Variants in ZNF30 observed in about 807,000 individuals in gnomAD.
ZNF30 encodes zinc finger protein 30 (KOX 28).
Under a neutral mutation model 13.2 loss-of-function variants are expected in ZNF30, and 15 were observed. The ratio of observed to expected loss-of-function variants is 1.13; its 90% CI spans 0.76 to 1.75. The LOEUF is 1.75. ZNF30 is among the 40% of genes most tolerant of loss of function. The pLI is 0.00. For synonymous variants in ZNF30, 223 were observed against 256.6 expected, an observed-to-expected ratio of 0.87 and a Z score of 1.25; for missense variants, 726 against 757.0, an observed-to-expected ratio of 0.96 and a Z score of 0.48.
At chr19:34,933,588 C>A in intron 3 of ZNF30, 40 bp from the exon 4 acceptor site, 1 of 1,447,562 alleles carries the variant, frequency 6.9e-7, no homozygotes, top group South Asian at 1.2e-5. Context: ...TTTTTGAACT[C>A]ATATTTTATT....
chr19:34,937,664 T>G (rs1465240082), intron 4 of ZNF30, among the ~76,000 whole-genome samples: 2 of 151,372 alleles, frequency 1.3e-5, no homozygotes, highest in African/African-American at 4.9e-5. Context: ...AACCTAGGAG[T>G]TCGAGGCTGC....
chr19:34,924,306 A>G (rs1428470122), upstream of ZNF30, among the ~76,000 whole-genome samples: 1 of 152,162 alleles, frequency 6.6e-6, no homozygotes, highest in Admixed American at 6.5e-5. Context: ...TGATTTAAAA[A>G]TTTCTTTGAC....
intron 3 of ZNF30, among the ~76,000 whole-genome samples, chr19:34,933,099 A>C (rs2012543414): frequency 6.6e-6 from 1 of 152,068 alleles, no homozygotes; most frequent in Non-Finnish European, 1.5e-5. Flanking sequence ...GACACAAAGA[A>C]TAAATGAGTA....
At chr19:34,927,815 G>T (rs556605063) in intron 1 of ZNF30, among the ~76,000 whole-genome samples, 2 of 152,262 alleles carry the variant, frequency 1.3e-5, no homozygotes, top group East Asian at 1.9e-4. Flanking sequence ...TTTTCTGTTG[G>T]TTTTTTATTT....
At position 34,944,339 on chromosome 19, in the gene ZNF30, G is replaced by A; in HGVS notation, c.1373G>A (p.Cys458Tyr). The A allele has an allele frequency of 3.7e-6, 6 of 1,614,194 alleles. No individual in the cohort carries two copies. Among genetic ancestry groups the A allele is most frequent in the Non-Finnish European group, 5.1e-6 (6 of 1,180,028 alleles). ...RVHTGEKPYE[C>Y]KECGKAFRVH... ...CATACTGGAGAGAAACCCTATGAGTGTAAGGAATGTGGCAAGGCCTTCAGA... is the reference window on the plus strand; with the variant it reads ...CATACTGGAGAGAAACCCTATGAGTATAAGGAATGTGGCAAGGCCTTCAGA... The change falls in exon 5 of 5, where the codon TGT (cysteine) becomes TAT (tyrosine). Residue 458 changes from cysteine (C) to tyrosine (Y), a missense_variant. Physicochemically the swap from Cys to Tyr is radical, Grantham distance 194. Coordinates refer to ENST00000601142, the MANE Select transcript of ZNF30 (RefSeq NM_194325.3).
At position 34,931,988 on chromosome 19, in the gene ZNF30, C is replaced by G; in HGVS notation, c.155C>G (p.Ser52Ter). Residue 52 changes from serine to a stop codon, truncating the protein, a stop_gained, in exon 3 of 5, where the codon TCA (serine) becomes TGA (stop). Coordinates refer to ENST00000601142, the MANE Select transcript of ZNF30 (RefSeq NM_194325.3). LOFTEE classifies it high-confidence loss of function. The stretch of plus-strand genomic sequence containing the variant: ...TTGGAGAACTACAGGAACTTGGTGT[C>G]AATGGGTAAGTGTACTTCTCTCAAA... Reference protein sequence around the residue: ...VMLENYRNLVSMGHSRSKPHV... With the variant: ...VMLENYRNLV The G allele has an allele frequency of 6.3e-7, 1 of 1,595,124 alleles. No homozygotes were observed. The highest frequency in any genetic ancestry group is 2.3e-5 in the East Asian group (1 of 44,236).
In ZNF30 at chr19:34,944,893, C is replaced by A; in HGVS notation, c.*55C>A. 6.8e-7 allele frequency: 1 copy of A among 1,468,422 alleles called. No homozygotes were observed. Among genetic ancestry groups the A allele is most frequent in the Non-Finnish European group, 9.1e-7 (1 of 1,103,004 alleles). The allele number at this position is 1,468,422 out of a possible 1,614,324, so 91.0% of individuals were successfully genotyped here. The stretch of plus-strand genomic sequence containing the variant: ...GTGTGGCTCAAACATTGTTGAACAT[C>A]GGGGAATTTATGCTGGTAGGAAACT... On this transcript the variant is annotated 3_prime_UTR_variant, in exon 5 of 5. Coordinates refer to ENST00000601142, the MANE Select transcript of ZNF30 (RefSeq NM_194325.3).
At position 34,939,322 on chromosome 19, in the gene ZNF30, C is replaced by G. The variant is rs142907507; in HGVS notation, c.257-3901C>G. ...TTAGCCTCCGGAGTAGCTGGGCTTA[C>G]AGGCATGCACCACCACACTGGATAA... On this transcript the variant is annotated intron_variant, in intron 4 of 4. Transcript: ENST00000601142. Among the ~76,000 whole-genome samples the G allele has an allele frequency of 7.9e-5, 12 of 152,120 alleles. No homozygotes were observed. In the East Asian group the frequency reaches 2.3e-3, roughly 29 times the overall value.
chr19:34,934,810 G>T (rs187441329), intron 4 of ZNF30, among the ~76,000 whole-genome samples: 38 of 152,248 alleles, frequency 2.5e-4, no homozygotes, highest in South Asian at 1.7e-3. Flanking sequence ...AATACATAAT[G>T]AACACAGGGC....
At chr19:34,928,252 T>TAGATAG (rs1555778330) in intron 1 of ZNF30, among the ~76,000 whole-genome samples, 377 of 56,438 alleles carry the variant, frequency 6.7e-3, no homozygotes, top group Middle Eastern at 0.012. Flanking sequence ...TATATATATA[T>TAGATAG]ATAGATAGAT....
upstream of ZNF30, among the ~76,000 whole-genome samples, chr19:34,925,051 G>C (rs1182985753): frequency 6.6e-6 from 1 of 152,216 alleles, no homozygotes; most frequent in Non-Finnish European, 1.5e-5. Context: ...GCGTGCGATG[G>C]GGGTGTGGCT....
At chr19:34,929,854 G>A in intron 1 of ZNF30, 30 bp from the exon 2 acceptor site, 1 of 1,189,366 alleles carries the variant, frequency 8.4e-7, no homozygotes. Flanking sequence ...GAACACTAAA[G>A]CCTCCTTTTC....
At chr19:34,934,724 G>T (rs1037586589) in intron 4 of ZNF30, among the ~76,000 whole-genome samples, 17 of 152,194 alleles carry the variant, frequency 1.1e-4, no homozygotes, top group African/African-American at 4.1e-4. Flanking sequence ...AGATACCTTT[G>T]TAACCATCAC....
At chr19:34,942,555 A>C (rs1003407266) in intron 4 of ZNF30, 1 of 1,086,378 alleles carries the variant, frequency 9.2e-7, no homozygotes, top group Non-Finnish European at 1.2e-6. Flanking sequence ...AGTTTACCAT[A>C]TTCCTGATAA....
At chr19:34,926,537 C>T (rs2012079512), upstream of ZNF30, among the ~76,000 whole-genome samples, 2 of 152,192 alleles carry the variant, frequency 1.3e-5, no homozygotes, top group Admixed American at 6.5e-5. Flanking sequence ...ATTTTTCTCA[C>T]ACGTGATTAG....
intron 4 of ZNF30, chr19:34,942,749 T>C: frequency 3.2e-6 from 2 of 625,176 alleles, no homozygotes; most frequent in South Asian, 3.1e-5. Context: ...GAGTTGTGTC[T>C]TGATATGAGG....
intron 4 of ZNF30, among the ~76,000 whole-genome samples, chr19:34,940,387 G>A (rs554810390): frequency 3.3e-5 from 5 of 152,130 alleles, no homozygotes; most frequent in South Asian, 4.2e-4. Context: ...ATCATTTGGA[G>A]CTGGGCACGG....
At position 34,944,477 on chromosome 19, in the gene ZNF30, G is replaced by T. The variant is rs1247173367; in HGVS notation, c.1511G>T (p.Arg504Ile). The T allele has an allele frequency of 6.2e-7, 1 of 1,613,648 alleles. No individual in the cohort carries two copies. Among genetic ancestry groups the T allele is most frequent in the Non-Finnish European group, 8.5e-7 (1 of 1,179,924 alleles). The change falls in exon 5 of 5, where the codon AGA (arginine) becomes ATA (isoleucine). Residue 504 changes from arginine (R) to isoleucine (I), a missense_variant. Physicochemically the swap from Arg to Ile is moderately conservative, Grantham distance 97 (BLOSUM62 -3). Transcript: ENST00000601142. Reference sequence around the variant, plus strand: ...GCCTCGTACCTTGTACAACATAGCAGAATCCATACTGGTAAGAAGCCCTAT... The same window carrying T: ...GCCTCGTACCTTGTACAACATAGCATAATCCATACTGGTAAGAAGCCCTAT... ...SRASYLVQHSRIHTGKKPYEC... is the reference protein window; with the variant it reads ...SRASYLVQHSIIHTGKKPYEC...
upstream of ZNF30, among the ~76,000 whole-genome samples, chr19:34,925,990 G>A (rs1293548980): frequency 6.6e-6 from 1 of 152,122 alleles, no homozygotes; most frequent in Non-Finnish European, 1.5e-5. Context: ...TGGGCAAGAT[G>A]GCAAAACCCC....
Sources: allele counts gnomAD v4.1 joint callset (sites outside exome capture counted in the v4.1 genomes callset), GRCh38; gene constraint gnomAD v4.1.1; transcripts MANE v1.5; gene names NCBI Gene and HGNC (gene_info 2026-07-23, HGNC 2026-07-21).